Variants in PCNX1 observed in about 807,000 individuals in gnomAD.
The protein encoded by PCNX1 is pecanex 1, also known as pecanex-like protein 1.
PCNX1 carries 78 observed loss-of-function variants against 242.2 expected under a neutral mutation model. That is an observed-to-expected ratio of 0.32 (90% confidence interval 0.27 to 0.39). The LOEUF (loss-of-function observed/expected upper bound fraction) is 0.39, where lower values mean the gene tolerates loss of function less well. Ranked by LOEUF, PCNX1 falls within the 10% of genes least tolerant of loss-of-function variation. PCNX1 has a pLI of 1.00. For missense variants in PCNX1, 2,581 were observed against 2,856.5 expected, an observed-to-expected ratio of 0.90 and a Z score of 2.20; for synonymous variants, 1,024 against 1,032.9, an observed-to-expected ratio of 0.99 and a Z score of 0.17.
intron 8 of PCNX1, among the ~76,000 whole-genome samples, chr14:71,001,482 G>C (rs1472321405): frequency 1.3e-5 from 2 of 152,196 alleles, no homozygotes; most frequent in Non-Finnish European, 2.9e-5. Flanking sequence ...ATGCTCAGAA[G>C]TTTATCACTG....
At chr14:70,916,429 A>T (rs1356268567) in intron 1 of PCNX1, among the ~76,000 whole-genome samples, 1 of 152,186 alleles carries the variant, frequency 6.6e-6, no homozygotes, top group African/African-American at 2.4e-5. Context: ...AGAGCCAGGG[A>T]AAGAGAGTAC....
At chr14:70,938,526 G>T (rs1159370719) in intron 1 of PCNX1, among the ~76,000 whole-genome samples, 5 of 152,120 alleles carry the variant, frequency 3.3e-5, no homozygotes, top group African/African-American at 9.7e-5. Context: ...GCTGGATTCG[G>T]TTTGCCAGTA....
intron 28 of PCNX1, among the ~76,000 whole-genome samples, chr14:71,077,458 G>C (rs190174211): frequency 1.3e-5 from 2 of 152,276 alleles, no homozygotes; most frequent in Admixed American, 6.5e-5. Context: ...CCATCTTCAC[G>C]TTTAGCACTT....
At chr14:71,068,432 ATATG>A (rs1365435219) in intron 26 of PCNX1, among the ~76,000 whole-genome samples, 2 of 148,996 alleles carry the variant, frequency 1.3e-5, no homozygotes, top group African/African-American at 2.4e-5. Flanking sequence ...GTATATGTAT[ATATG>A]TATGTATATG....
intron 19 of PCNX1, among the ~76,000 whole-genome samples, chr14:71,044,913 G>A (rs924792188): frequency 1.6e-4 from 25 of 152,194 alleles, no homozygotes; most frequent in African/African-American, 5.3e-4. Flanking sequence ...TAGTTAACCC[G>A]TTTCAAAATA....
In PCNX1 at chr14:71,113,117, C is replaced by T. The variant is rs914453394; in HGVS notation, c.*3182C>T. 1.1e-4 allele frequency: 17 copies of T among 152,156 alleles called. No homozygotes were observed. The highest frequency in any genetic ancestry group is 4.1e-4 in the African/African-American group (17 of 41,442). 9.4% of individuals were successfully genotyped at this position (152,156 alleles called of 1,614,324 possible). ...ACATAAGATGTTGATATTTAAGGAA[C>T]TTGGAAGAGTAAGTGGTGAGGCTGT... On this transcript the variant is annotated 3_prime_UTR_variant, in exon 36 of 36. Transcript: ENST00000304743.
chr14:71,029,061 T>C (rs1001988319), intron 16 of PCNX1, among the ~76,000 whole-genome samples: 1 of 152,132 alleles, frequency 6.6e-6, no homozygotes, highest in African/African-American at 2.4e-5. Context: ...TCATCTGGTA[T>C]AAGGGTAGGC....
chr14:70,947,261 A>T, intron 2 of PCNX1, 138 bp downstream of exon 2: 1 of 654,352 alleles, frequency 1.5e-6, no homozygotes, highest in Non-Finnish European at 2.7e-6. Context: ...AGATACAATG[A>T]TGGGTACATA....
At position 71,029,453 on chromosome 14, in the gene PCNX1, A is replaced by G. The variant is rs927146802; in HGVS notation, c.3558+662A>G. 2.6e-5 allele frequency among the ~76,000 whole-genome samples: 4 copies of G among 152,180 alleles called. No homozygotes were observed. In the East Asian group the frequency reaches 7.7e-4, roughly 29 times the overall value. On this transcript the variant is annotated intron_variant, in intron 16 of 35. Transcript: ENST00000304743. ...CACAGATCCTTCCTTGCCTCATTTAAGTAGCATTTATAGAGCATTTATGTG... is the reference window on the plus strand; with the variant it reads ...CACAGATCCTTCCTTGCCTCATTTAGGTAGCATTTATAGAGCATTTATGTG...
At chr14:71,078,541 A>T (rs1200252595) in intron 28 of PCNX1, 3 of 152,264 alleles carry the variant, frequency 2.0e-5, no homozygotes, top group Admixed American at 2.0e-4. Flanking sequence ...TATTAGCAAG[A>T]ATTCTTGGTG....
At chr14:70,928,147 G>T (rs181998685) in intron 1 of PCNX1, among the ~76,000 whole-genome samples, 1 of 151,814 alleles carries the variant, frequency 6.6e-6, no homozygotes, top group Non-Finnish European at 1.5e-5. Context: ...ATTATACTAC[G>T]TCTATAAGAA....
At chr14:71,050,261 C>T (rs569411201) in intron 22 of PCNX1, among the ~76,000 whole-genome samples, 24 of 151,648 alleles carry the variant, frequency 1.6e-4, no homozygotes, top group Non-Finnish European at 3.1e-4. Context: ...CATGCTGGTG[C>T]GCTGCACCCA....
Position 70,963,948 on chromosome 14 carries a change from T to C in PCNX1, c.468+1617T>C, listed in dbSNP as rs998450546. Among the ~76,000 whole-genome samples, 6 of 152,312 alleles carry C rather than the reference T, an allele frequency of 3.9e-5. 1 individual carries two copies. Among genetic ancestry groups the C allele is most frequent in the Admixed American group, 6.5e-5 (1 of 15,302 alleles). On this transcript the variant is annotated intron_variant, in intron 3 of 35. Coordinates refer to ENST00000304743, the MANE Select transcript of PCNX1 (RefSeq NM_014982.3). ...ATCTAGTGAGTACAGAACATGTAGGTTGTTAAATTTATCTTCCTTCCATAA... is the reference window on the plus strand; with the variant it reads ...ATCTAGTGAGTACAGAACATGTAGGCTGTTAAATTTATCTTCCTTCCATAA...
At chr14:70,909,562 A>G (rs1380456122) in intron 1 of PCNX1, among the ~76,000 whole-genome samples, 1 of 152,212 alleles carries the variant, frequency 6.6e-6, no homozygotes, top group African/African-American at 2.4e-5. Context: ...TTTGAGAGGT[A>G]AGGATTAGTT....
chr14:70,925,472 A>G (rs1371748086), intron 1 of PCNX1, among the ~76,000 whole-genome samples: 2 of 150,860 alleles, frequency 1.3e-5, no homozygotes, highest in African/African-American at 4.9e-5. Flanking sequence ...TTACAGAAAT[A>G]TTTCTGTATT....
intron 16 of PCNX1, among the ~76,000 whole-genome samples, chr14:71,029,342 C>CTGTA (rs1395238038): frequency 6.6e-6 from 1 of 152,082 alleles, no homozygotes; most frequent in African/African-American, 2.4e-5. Context: ...CTCATGCATA[C>CTGTA]TTGTGGTTTA....
intron 6 of PCNX1, among the ~76,000 whole-genome samples, chr14:70,982,879 C>T (rs1373807452): frequency 6.6e-6 from 1 of 152,186 alleles, no homozygotes; most frequent in Non-Finnish European, 1.5e-5. Flanking sequence ...ATCTGTGCCT[C>T]AATTTCCTCA....
At chr14:71,019,279 A>C (rs2060035193) in intron 12 of PCNX1, 117 bp downstream of exon 12, 2 of 784,518 alleles carry the variant, frequency 2.5e-6, no homozygotes, top group Non-Finnish European at 2.0e-6. Flanking sequence ...CTTTTCTTGC[A>C]TGTTTACATA....
chr14:71,039,458 T>C (rs1188619990), intron 19 of PCNX1, among the ~76,000 whole-genome samples: 2 of 152,170 alleles, frequency 1.3e-5, no homozygotes, highest in Non-Finnish European at 2.9e-5. Context: ...ACTCACAAAA[T>C]GGCAGCTGGT....
Sources: allele counts gnomAD v4.1 joint callset (sites outside exome capture counted in the v4.1 genomes callset), GRCh38; gene constraint gnomAD v4.1.1; transcripts MANE v1.5; gene names NCBI Gene and HGNC (gene_info 2026-07-23, HGNC 2026-07-21).